The following GSTCD variants were observed in gnomAD, a reference collection of about 807,000 sequenced individuals.
GSTCD encodes the protein glutathione S-transferase C-terminal domain-containing protein.
A neutral mutation model predicts 68.3 loss-of-function variants in GSTCD; 44 were observed. The ratio of observed to expected loss-of-function variants is 0.64; its 90% confidence interval spans 0.51 to 0.83. The LOEUF is 0.83. Ranked by LOEUF, GSTCD falls within the 40% of genes least tolerant of loss-of-function variation. GSTCD has a pLI of 0.00. For synonymous variants in GSTCD, 273 were observed against 255.2 expected, an observed-to-expected ratio of 1.07 and a Z score of -0.67; for missense variants, 739 against 735.9, an observed-to-expected ratio of 1.00 and a Z score of -0.05.
chr4:105,811,152 T>C (rs1722731669), intron 5 of GSTCD, among the ~76,000 whole-genome samples: 1 of 152,192 alleles, frequency 6.6e-6, no homozygotes, highest in Non-Finnish European at 1.5e-5. Context: ...TTAGCACTTT[T>C]ACTATGCTAG....
In GSTCD at chr4:105,719,142, CA is replaced by C. The variant is rs1732775161; in HGVS notation, c.511del (p.Thr171LeufsTer4). The C allele has an allele frequency of 6.2e-7, 1 of 1,613,992 alleles. No individual in the cohort carries two copies. The highest frequency in any genetic ancestry group is 1.3e-5 in the African/African-American group (1 of 74,918). ...CTCAGAGAATCTTCTGACCAGCCCC[CA>C]ACTATACCTGTAGAAATACTACAGC... ...NFLRESSDQPPTIPVEILQLE... is the reference protein window; with the variant it reads ...NFLRESSDQPXTIPVEILQLE... On this transcript the variant is annotated frameshift_variant, in exon 3 of 12. Coordinates refer to ENST00000515279, the MANE Select transcript of GSTCD (RefSeq NM_001370181.1). LOFTEE classifies it high-confidence loss of function.
At chr4:105,758,610 C>A (rs1328279687) in intron 5 of GSTCD, among the ~76,000 whole-genome samples, 3 of 152,130 alleles carry the variant, frequency 2.0e-5, no homozygotes, top group Non-Finnish European at 4.4e-5. Context: ...GAACTGCAAG[C>A]CAATTAAATC....
At chr4:105,729,584 G>C (rs563911867) in intron 5 of GSTCD, 85 bp downstream of exon 5, 15 of 836,154 alleles carry the variant, frequency 1.8e-5, no homozygotes, top group Non-Finnish European at 2.4e-5. Flanking sequence ...ATCTCCCTTT[G>C]GCTTTATCTA....
chr4:105,733,387 A>G (rs1337613251), intron 5 of GSTCD, among the ~76,000 whole-genome samples: 2 of 152,144 alleles, frequency 1.3e-5, no homozygotes, highest in Admixed American at 6.5e-5. Flanking sequence ...TTGGGTGCAT[A>G]TATATTTAGG....
chr4:105,721,637 T>C (rs1732861005), intron 3 of GSTCD, among the ~76,000 whole-genome samples: 2 of 152,064 alleles, frequency 1.3e-5, no homozygotes, highest in Non-Finnish European at 2.9e-5. Context: ...GTAGAATCGA[T>C]GAGGTGTTTT....
intron 5 of GSTCD, among the ~76,000 whole-genome samples, chr4:105,790,786 A>G (rs1735632963): frequency 6.6e-6 from 1 of 152,082 alleles, no homozygotes; most frequent in Admixed American, 6.5e-5. Context: ...TGATTTGAGG[A>G]AAGATATTAA....
chr4:105,762,939 A>G (rs1202623408), intron 5 of GSTCD, among the ~76,000 whole-genome samples: 1 of 152,206 alleles, frequency 6.6e-6, no homozygotes, highest in Non-Finnish European at 1.5e-5. Context: ...CTCACTTAAA[A>G]AATATATTTT....
At chr4:105,714,171 G>A (rs182255842) in intron 1 of GSTCD, among the ~76,000 whole-genome samples, 18 of 152,196 alleles carry the variant, frequency 1.2e-4, no homozygotes, top group Admixed American at 1.2e-3. Flanking sequence ...AGATTCCCAA[G>A]CAAATTGGCA....
intron 8 of GSTCD, among the ~76,000 whole-genome samples, chr4:105,832,778 T>A (rs759820213): frequency 6.6e-6 from 1 of 152,216 alleles, no homozygotes; most frequent in Non-Finnish European, 1.5e-5. Flanking sequence ...AAATGTCAGT[T>A]TGCTTTCCCT....
chr4:105,752,583 G>T (rs1477050849), intron 5 of GSTCD, among the ~76,000 whole-genome samples: 1 of 151,882 alleles, frequency 6.6e-6, no homozygotes, highest in East Asian at 1.9e-4. Flanking sequence ...AATTGTCTGG[G>T]TTTTTTTGTG....
chr4:105,737,465 G>A (rs1182748983), intron 5 of GSTCD, among the ~76,000 whole-genome samples: 1 of 152,068 alleles, frequency 6.6e-6, no homozygotes, highest in Admixed American at 6.5e-5. Flanking sequence ...TTCCTTTGCT[G>A]TATAGGTTTT....
chr4:105,737,390 T>C (rs1197994616), intron 5 of GSTCD, among the ~76,000 whole-genome samples: 1 of 152,234 alleles, frequency 6.6e-6, no homozygotes, highest in African/African-American at 2.4e-5. Context: ...TAATCTTTTG[T>C]TGGATGAATA....
chr4:105,750,570 C>G (rs1360414743), intron 5 of GSTCD, among the ~76,000 whole-genome samples: 4 of 152,010 alleles, frequency 2.6e-5, no homozygotes, highest in Non-Finnish European at 5.9e-5. Flanking sequence ...TACAGCCACT[C>G]TAGAAAATAT....
At chr4:105,785,914 T>TAAA (rs1430981646) in intron 5 of GSTCD, among the ~76,000 whole-genome samples, 1 of 152,138 alleles carries the variant, frequency 6.6e-6, no homozygotes, top group Admixed American at 6.5e-5. Context: ...TTGCAGAATA[T>TAAA]AAAAGCAATA....
chr4:105,826,341 G>A (rs1723606567), intron 8 of GSTCD, among the ~76,000 whole-genome samples: 1 of 151,996 alleles, frequency 6.6e-6, no homozygotes, highest in Admixed American at 6.6e-5. Flanking sequence ...CCTAAGATAT[G>A]TAATTCTGCC....
chr4:105,732,594 A>G (rs1480913083), intron 5 of GSTCD, among the ~76,000 whole-genome samples: 3 of 151,896 alleles, frequency 2.0e-5, no homozygotes, highest in Admixed American at 1.3e-4. Context: ...CTTCTTTATT[A>G]GTCTTGCCAG....
intron 5 of GSTCD, among the ~76,000 whole-genome samples, chr4:105,758,502 T>C (rs1734280537): frequency 6.6e-6 from 1 of 152,194 alleles, no homozygotes; most frequent in Non-Finnish European, 1.5e-5. Context: ...ATTCTTGTCA[T>C]GTAATATGCC....
chr4:105,742,249 T>C (rs1271207920), intron 5 of GSTCD, among the ~76,000 whole-genome samples: 1 of 152,210 alleles, frequency 6.6e-6, no homozygotes, highest in Non-Finnish European at 1.5e-5. Context: ...CCACATCTTA[T>C]CTACCATTCC....
At chr4:105,767,162 A>G (rs1041727089) in intron 5 of GSTCD, among the ~76,000 whole-genome samples, 12 of 152,062 alleles carry the variant, frequency 7.9e-5, no homozygotes, top group Non-Finnish European at 1.8e-4. Flanking sequence ...AAACAGCTAG[A>G]TTGGTTACAG....
Sources: allele counts gnomAD v4.1 joint callset (sites outside exome capture counted in the v4.1 genomes callset), GRCh38; gene constraint gnomAD v4.1.1; transcripts MANE v1.5; gene names NCBI Gene and HGNC (gene_info 2026-07-23, HGNC 2026-07-21).